NELL1: variants seen among roughly 807,000 people sequenced by gnomAD.
The protein encoded by NELL1 is protein kinase C-binding protein NELL1.
NELL1 carries 76 observed loss-of-function variants against 107.4 expected under a neutral mutation model. The observed-to-expected ratio is 0.71, with a 90% CI of 0.59 to 0.86. The LOEUF (loss-of-function observed/expected upper bound fraction) is 0.86, where lower values mean the gene tolerates loss of function less well. Among genes scored for constraint, NELL1 ranks in the 40% least tolerant of loss-of-function variants. The probability of loss-of-function intolerance (pLI) is 0.00; values close to 1 mark genes in which losing one functional copy is unlikely to be tolerated. For missense variants in NELL1, 1,024 were observed against 1,005.5 expected, an observed-to-expected ratio of 1.02 and a Z score of -0.25; for synonymous variants, 353 against 341.2, an observed-to-expected ratio of 1.03 and a Z score of -0.38.
intron 14 of NELL1, among the ~76,000 whole-genome samples, chr11:21,261,589 A>G (rs933612543): frequency 6.6e-6 from 1 of 151,836 alleles, no homozygotes; most frequent in African/African-American, 2.4e-5. Flanking sequence ...AAGAGGAAAC[A>G]GAGGCAGAGA....
chr11:21,346,523 T>C (rs1197794476), intron 14 of NELL1, among the ~76,000 whole-genome samples: 1 of 147,874 alleles, frequency 6.8e-6, no homozygotes, highest in Non-Finnish European at 1.5e-5. Flanking sequence ...AAATTATATA[T>C]AATTTATTAT....
chr11:20,858,135 T>C (rs777606076), intron 4 of NELL1, among the ~76,000 whole-genome samples: 1 of 152,120 alleles, frequency 6.6e-6, no homozygotes, highest in Admixed American at 6.5e-5. Context: ...AGTGAAGTAC[T>C]CTACAAGTCC....
At chr11:21,232,240 G>A (rs929929292) in intron 14 of NELL1, among the ~76,000 whole-genome samples, 57 of 147,056 alleles carry the variant, frequency 3.9e-4, no homozygotes, top group African/African-American at 1.2e-3. Context: ...TGAGGCAGGC[G>A]AATTGCTCGA....
Position 20,991,688 on chromosome 11 carries a change from T to C in NELL1, c.1300+31128T>C, listed in dbSNP as rs747862354. Reference sequence around the variant, plus strand: ...ATCAAATGGCACATGCCTCAGTCAATGCCTCCTGGCGCTGATCCTGCCTGC... The same window carrying C: ...ATCAAATGGCACATGCCTCAGTCAACGCCTCCTGGCGCTGATCCTGCCTGC... On this transcript the variant is annotated intron_variant, in intron 12 of 19. Coordinates refer to ENST00000357134, the MANE Select transcript of NELL1 (RefSeq NM_006157.5). Among the ~76,000 whole-genome samples the C allele has an allele frequency of 3.7e-4, 56 of 152,180 alleles. 1 individual carries two copies. Among genetic ancestry groups the C allele is most frequent in the Non-Finnish European group, 7.2e-4 (49 of 68,034 alleles).
intron 15 of NELL1, among the ~76,000 whole-genome samples, chr11:21,501,170 A>G (rs974601413): frequency 6.6e-6 from 1 of 152,154 alleles, no homozygotes; most frequent in Admixed American, 6.6e-5. Context: ...TGCGCCCCTA[A>G]CCATGTTAAT....
intron 5 of NELL1, among the ~76,000 whole-genome samples, chr11:20,889,632 T>C (rs1339599956): frequency 6.6e-6 from 1 of 152,174 alleles, no homozygotes; most frequent in Non-Finnish European, 1.5e-5. Context: ...AAAAATAATA[T>C]TAAAAATATT....
chr11:21,250,486 A>G (rs1310095597), intron 14 of NELL1, among the ~76,000 whole-genome samples: 2 of 152,116 alleles, frequency 1.3e-5, no homozygotes, highest in African/African-American at 4.8e-5. Context: ...TCTTCTTCAG[A>G]ATGGTGTTTT....
intron 15 of NELL1, among the ~76,000 whole-genome samples, chr11:21,533,398 T>TG (rs1163397829): frequency 6.6e-6 from 1 of 152,202 alleles, no homozygotes; most frequent in African/African-American, 2.4e-5. Context: ...TATATTCATA[T>TG]GAGTCCCATA....
chr11:21,065,605 A>G (rs1046821646), intron 12 of NELL1, among the ~76,000 whole-genome samples: 1 of 152,214 alleles, frequency 6.6e-6, no homozygotes, highest in East Asian at 1.9e-4. Context: ...GTTGCATTCA[A>G]AGAGAACTCT....
chr11:21,247,772 G>T (rs2133906168), intron 14 of NELL1, among the ~76,000 whole-genome samples: 1 of 152,312 alleles, frequency 6.6e-6, no homozygotes, highest in East Asian at 1.9e-4. Flanking sequence ...AATTGTATAT[G>T]CTATACCGTT....
chr11:21,493,229 A>G (rs940174073), intron 15 of NELL1, among the ~76,000 whole-genome samples: 5 of 152,138 alleles, frequency 3.3e-5, no homozygotes, highest in Non-Finnish European at 5.9e-5. Flanking sequence ...CCAGCCCACT[A>G]CGGGGTATTT....
intron 14 of NELL1, among the ~76,000 whole-genome samples, chr11:21,344,101 G>A (rs1236315821): frequency 2.0e-5 from 3 of 152,142 alleles, no homozygotes; most frequent in East Asian, 3.9e-4. Context: ...AGAGATCTGC[G>A]CATTCTGTCT....
chr11:21,288,253 A>C (rs117309330), intron 14 of NELL1, among the ~76,000 whole-genome samples: 5 of 152,134 alleles, frequency 3.3e-5, no homozygotes, highest in Non-Finnish European at 7.4e-5. Context: ...CTATGAAACT[A>C]TCTTACAAAA....
intron 15 of NELL1, among the ~76,000 whole-genome samples, chr11:21,425,647 G>A (rs1540120): frequency 0.15 from 22,428 of 152,020 alleles, 4,073 homozygotes; most frequent in African/African-American, 0.42. Flanking sequence ...ATAGAGCCCC[G>A]AGAAGTATCA....
intron 9 of NELL1, among the ~76,000 whole-genome samples, chr11:20,933,724 G>A (rs61652119): frequency 0.038 from 5,787 of 152,236 alleles, 153 homozygotes; most frequent in Middle Eastern, 0.092. Flanking sequence ...CATCTGACAG[G>A]GATGTCAAGC....
At chr11:21,207,474 G>A (rs1857413819) in intron 13 of NELL1, among the ~76,000 whole-genome samples, 1 of 152,128 alleles carries the variant, frequency 6.6e-6, no homozygotes, top group South Asian at 2.1e-4. Context: ...TTTAGGGAAG[G>A]CTTCATTAGA....
chr11:20,891,222 A>G (rs763537425), intron 5 of NELL1, among the ~76,000 whole-genome samples: 5 of 152,206 alleles, frequency 3.3e-5, no homozygotes, highest in Non-Finnish European at 7.3e-5. Flanking sequence ...ATTCTTAAAG[A>G]AAAGAATTTT....
chr11:21,209,273 T>C (rs1207515623), intron 13 of NELL1, among the ~76,000 whole-genome samples: 1 of 150,738 alleles, frequency 6.6e-6, no homozygotes, highest in Non-Finnish European at 1.5e-5. Context: ...ATATGTGTTA[T>C]ACATAATTAC....
intron 14 of NELL1, among the ~76,000 whole-genome samples, chr11:21,280,333 T>C (rs1248331315): frequency 6.6e-6 from 1 of 152,138 alleles, no homozygotes; most frequent in Non-Finnish European, 1.5e-5. Flanking sequence ...AATTTAACAA[T>C]TATCTGTGCA....
Sources: gnomAD v4.1 joint callset for allele counts (sites outside exome capture counted in the v4.1 genomes callset) on GRCh38, gnomAD v4.1.1 for gene constraint, MANE v1.5 for transcripts, NCBI Gene and HGNC (gene_info 2026-07-23, HGNC 2026-07-21) for gene names.